The following TENM1 variants were observed in gnomAD, a reference collection of about 807,000 sequenced individuals.
TENM1 encodes teneurin-1.
A neutral mutation model predicts 174.8 loss-of-function variants in TENM1; 35 were observed. The observed-to-expected ratio is 0.20, with a 90% CI of 0.15 to 0.27. The LOEUF (loss-of-function observed/expected upper bound fraction) is 0.27, where lower values mean the gene tolerates loss of function less well. TENM1 is among the 10% of genes least tolerant of loss of function. TENM1 has a pLI of 1.00. For synonymous variants in TENM1, 781 were observed against 798.7 expected (o/e 0.98, Z 0.37); for missense variants, 1,633 against 2,130.1 (o/e 0.77, Z 4.59).
chrX:124,703,799 C>T (rs2052832404), intron 5 of TENM1, among the ~76,000 whole-genome samples: 1 of 111,908 alleles, frequency 8.9e-6, no homozygotes, highest in South Asian at 3.7e-4. Flanking sequence ...CCTGAAATGT[C>T]TGAGATAAAA....
intron 25 of TENM1, among the ~76,000 whole-genome samples, chrX:124,416,167 CA>C (rs1403708906): frequency 2.7e-5 from 3 of 111,554 alleles, no homozygotes; most frequent in Admixed American, 9.5e-5. Flanking sequence ...AGTACATTTG[CA>C]ATGTTGTGCA....
upstream of TENM1, among the ~76,000 whole-genome samples, chrX:124,968,321 C>G (rs1054285271): frequency 8.9e-6 from 1 of 111,820 alleles, no homozygotes; most frequent in African/African-American, 3.2e-5. Flanking sequence ...AATCTTAATG[C>G]CACTCAAACC....
At chrX:124,411,447 G>T (rs1270620720) in intron 25 of TENM1, among the ~76,000 whole-genome samples, 1 of 111,197 alleles carries the variant, frequency 9.0e-6, no homozygotes, top group African/African-American at 3.3e-5. Flanking sequence ...TGGGTAGCTG[G>T]AAAGTTATAT....
upstream of TENM1, among the ~76,000 whole-genome samples, chrX:124,968,014 T>C (rs2058747812): frequency 1.8e-5 from 2 of 111,937 alleles, no homozygotes; most frequent in African/African-American, 6.5e-5. Context: ...TATACAAAGA[T>C]AGTCTCAAAT....
At chrX:125,044,697 C>G in the TENM1 span, among the ~76,000 whole-genome samples, 1 of 111,168 alleles carries the variant, frequency 9.0e-6, no homozygotes, top group East Asian at 2.8e-4. Context: ...TATTGTCAAC[C>G]TTGAAAACTT....
At chrX:124,879,056 T>C (rs2147507830) in intron 3 of TENM1, among the ~76,000 whole-genome samples, 1 of 112,370 alleles carries the variant, frequency 8.9e-6, no homozygotes, top group Admixed American at 9.4e-5. Flanking sequence ...ATGCATAGAA[T>C]GTGCAGTGAT....
chrX:124,437,150 C>T (rs1272458963), intron 23 of TENM1, among the ~76,000 whole-genome samples: 1 of 81,617 alleles, frequency 1.2e-5, no homozygotes, highest in East Asian at 3.8e-4. Context: ...CGGGGTTTTG[C>T]CATGTTGGCC....
chrX:124,647,285 T>G (rs1211149907), intron 8 of TENM1, among the ~76,000 whole-genome samples: 1 of 112,076 alleles, frequency 8.9e-6, no homozygotes, highest in African/African-American at 3.2e-5. Context: ...AAATATGATA[T>G]TCAGTATTTC....
the TENM1 span, among the ~76,000 whole-genome samples, chrX:125,199,418 A>G: frequency 8.9e-6 from 1 of 112,398 alleles, no homozygotes; most frequent in Non-Finnish European, 1.9e-5. Context: ...GAGATTTTTA[A>G]CATGTTTTTA....
At chrX:124,421,048 T>C (rs768187063) in intron 24 of TENM1, among the ~76,000 whole-genome samples, 2 of 112,345 alleles carry the variant, frequency 1.8e-5, no homozygotes, top group Non-Finnish European at 3.7e-5. Flanking sequence ...ATCTCAGTTA[T>C]ACCAATTTTG....
intron 3 of TENM1, among the ~76,000 whole-genome samples, chrX:124,867,714 T>A (rs1311655903): frequency 1.8e-5 from 2 of 112,152 alleles, no homozygotes; most frequent in African/African-American, 3.2e-5. Context: ...TGTTTGCAGA[T>A]GATGTAATCT....
At chrX:124,760,629 G>C (rs1313643764) in intron 3 of TENM1, among the ~76,000 whole-genome samples, 1 of 111,969 alleles carries the variant, frequency 8.9e-6, no homozygotes, top group African/African-American at 3.2e-5. Flanking sequence ...CAGGACATAG[G>C]CATGGGCAAG....
intron 1 of TENM1, among the ~76,000 whole-genome samples, chrX:124,900,932 C>T (rs1052151817): frequency 3.6e-5 from 4 of 109,634 alleles, no homozygotes; most frequent in Admixed American, 9.8e-5. Context: ...GCTGGGATTA[C>T]AGGTGCCTGC....
chrX:124,451,290 A>C (rs5911852), intron 23 of TENM1, among the ~76,000 whole-genome samples: 54,660 of 108,110 alleles, frequency 0.51, 11,418 homozygotes, highest in Non-Finnish European at 0.64. Flanking sequence ...TAAAAAAAAA[A>C]CCAAAAAAAC....
At chrX:124,736,312 C>T (rs1340232747) in intron 4 of TENM1, among the ~76,000 whole-genome samples, 1 of 111,773 alleles carries the variant, frequency 8.9e-6, no homozygotes, top group African/African-American at 3.2e-5. Flanking sequence ...GGACCTAGAA[C>T]TGCAAAGAGT....
At chrX:124,995,495 C>T in the TENM1 span, among the ~76,000 whole-genome samples, 14,732 of 110,940 alleles carry the variant, frequency 0.13, 853 homozygotes, top group Non-Finnish European at 0.17. Context: ...TTTCAAGGCA[C>T]AATGCTGCTC....
chrX:124,576,074 T>C (rs768737779), intron 11 of TENM1, among the ~76,000 whole-genome samples: 6 of 111,309 alleles, frequency 5.4e-5, no homozygotes, highest in African/African-American at 2.0e-4. Context: ...AACTTTTTTT[T>C]TTTGAGACGG....
chrX:124,884,970 T>G (rs761486354), intron 3 of TENM1, among the ~76,000 whole-genome samples: 1 of 112,032 alleles, frequency 8.9e-6, no homozygotes, highest in South Asian at 3.7e-4. Context: ...GCTACAAACC[T>G]GTAAGCATGT....
chrX:124,386,769 C>T (rs1048137501), intron 28 of TENM1, among the ~76,000 whole-genome samples: 1 of 109,544 alleles, frequency 9.1e-6, no homozygotes, highest in Admixed American at 9.8e-5. Context: ...GGCTGGAGTG[C>T]AGTGGTGTAG....
Sources: gnomAD v4.1 joint callset for allele counts (sites outside exome capture counted in the v4.1 genomes callset) on GRCh38, gnomAD v4.1.1 for gene constraint, MANE v1.5 for transcripts, NCBI Gene and HGNC (gene_info 2026-07-23, HGNC 2026-07-21) for gene names.